Variants in DDX46 observed in about 807,000 individuals in gnomAD.
DDX46 encodes the protein DEAD-box helicase 46.
In DDX46, 30 loss-of-function variants were observed where a neutral mutation model predicts 134.9. The ratio of observed to expected loss-of-function variants is 0.22; its 90% confidence interval spans 0.17 to 0.30. The LOEUF (loss-of-function observed/expected upper bound fraction) is 0.30. Among genes scored for constraint, DDX46 ranks in the 10% least tolerant of loss-of-function variants. The probability of loss-of-function intolerance (pLI) is 1.00; values close to 1 mark genes in which losing one functional copy is unlikely to be tolerated. For missense variants in DDX46, 622 were observed against 1,248.7 expected, an observed-to-expected ratio of 0.50 and a Z score of 7.56; for synonymous variants, 415 against 404.1, an observed-to-expected ratio of 1.03 and a Z score of -0.32.
intron 21 of DDX46, among the ~76,000 whole-genome samples, chr5:134,819,597 T>C (rs1200212600): frequency 6.6e-6 from 1 of 152,150 alleles, no homozygotes; most frequent in Non-Finnish European, 1.5e-5. Context: ...TGGCGCAATA[T>C]CAGCTCACTG....
chr5:134,826,071 G>C (rs778392506), intron 21 of DDX46: 24 of 152,072 alleles, frequency 1.6e-4, no homozygotes, highest in Non-Finnish European at 3.1e-4. Flanking sequence ...ATACAATATT[G>C]TGAGAGCACT....
intron 15 of DDX46, among the ~76,000 whole-genome samples, chr5:134,804,045 A>C (rs1580807985): frequency 1.4e-5 from 2 of 144,548 alleles, no homozygotes; most frequent in African/African-American, 2.6e-5. Context: ...CTGTCCTCCC[A>C]CCTCAGCTTC....
chr5:134,777,389 A>C (rs1294324673), intron 5 of DDX46, among the ~76,000 whole-genome samples, 185 bp from the exon 6 acceptor site: 1 of 152,242 alleles, frequency 6.6e-6, no homozygotes, highest in East Asian at 1.9e-4. Flanking sequence ...CAGAAGTAAT[A>C]CATGCTTCAT....
chr5:134,784,572 A>G (rs770273062), intron 10 of DDX46, 31 bp downstream of exon 10: 1 of 1,547,288 alleles, frequency 6.5e-7, no homozygotes, highest in Admixed American at 2.0e-5. Context: ...CTATTTTTCA[A>G]ATAACAGCTT....
intron 2 of DDX46, among the ~76,000 whole-genome samples, chr5:134,766,167 G>A (rs994982859): frequency 6.6e-6 from 1 of 152,120 alleles, no homozygotes; most frequent in Non-Finnish European, 1.5e-5. Context: ...CTTAGGTTTA[G>A]GCTATCTGAA....
intron 16 of DDX46, among the ~76,000 whole-genome samples, chr5:134,809,331 C>T (rs1343693695): frequency 2.0e-5 from 3 of 152,062 alleles, no homozygotes; most frequent in African/African-American, 7.2e-5. Context: ...AAAAGCAGAC[C>T]ATGGGTCAAA....
intron 13 of DDX46, 92 bp downstream of exon 13, chr5:134,790,644 C>A: frequency 9.2e-7 from 1 of 1,086,970 alleles, no homozygotes. Flanking sequence ...CTGAAATTCA[C>A]ACACACACTT....
chr5:134,792,795 G>T (rs1452909497), intron 13 of DDX46, among the ~76,000 whole-genome samples: 1 of 152,182 alleles, frequency 6.6e-6, no homozygotes, highest in Non-Finnish European at 1.5e-5. Context: ...GTACATGTAT[G>T]TGCGTATGTA....
intron 13 of DDX46, among the ~76,000 whole-genome samples, chr5:134,792,514 G>A (rs1754534447): frequency 6.6e-6 from 1 of 152,180 alleles, no homozygotes; most frequent in African/African-American, 2.4e-5. Context: ...TGAAGTGTCA[G>A]ATGGAACACA....
At chr5:134,767,589 C>T (rs2150130664) in intron 3 of DDX46, among the ~76,000 whole-genome samples, 2 of 152,044 alleles carry the variant, frequency 1.3e-5, no homozygotes, top group South Asian at 4.1e-4. Context: ...GATCTGCCCA[C>T]CTCGGCTTCC....
intron 17 of DDX46, 139 bp from the exon 18 acceptor site, chr5:134,811,557 C>CTCT: frequency 1.8e-6 from 2 of 1,130,220 alleles, no homozygotes; most frequent in South Asian, 3.4e-5. Context: ...CTATGTAGAG[C>CTCT]TCTTAGTTTA....
intron 21 of DDX46, among the ~76,000 whole-genome samples, chr5:134,820,481 G>C (rs1351428931): frequency 6.6e-6 from 1 of 152,150 alleles, no homozygotes; most frequent in African/African-American, 2.4e-5. Context: ...TTGTGCCTCA[G>C]CCTCCTGGGT....
chr5:134,789,833 G>A (rs988082906), intron 12 of DDX46, among the ~76,000 whole-genome samples: 3 of 151,994 alleles, frequency 2.0e-5, no homozygotes, highest in Non-Finnish European at 4.4e-5. Flanking sequence ...AAGTCAGTGG[G>A]TTCACTTAAT....
intron 1 of DDX46, among the ~76,000 whole-genome samples, chr5:134,763,228 T>C (rs986217545): frequency 3.9e-5 from 6 of 152,104 alleles, no homozygotes; most frequent in African/African-American, 1.4e-4. Context: ...GTGAGGCCTG[T>C]TTCTAAAAAT....
intron 18 of DDX46, among the ~76,000 whole-genome samples, chr5:134,812,332 T>C (rs999127253): frequency 6.6e-6 from 1 of 152,140 alleles, no homozygotes; most frequent in Non-Finnish European, 1.5e-5. Flanking sequence ...CCCAAAGTGC[T>C]GGGATTACAG....
chr5:134,796,164 T>G lies in DDX46; in HGVS notation c.1954+14T>G. ...CTCTTCATGGAGGTAATTATTCACTTGATTCACACATAAAATATCTATTAA... is the reference window on the plus strand; with the variant it reads ...CTCTTCATGGAGGTAATTATTCACTGGATTCACACATAAAATATCTATTAA... On this transcript the variant is annotated intron_variant, in intron 15 of 22. Coordinates refer to ENST00000452510, the MANE Select transcript of DDX46 (RefSeq NM_001300860.2). 6.2e-7 allele frequency: 1 copy of G among 1,611,772 alleles called. No homozygotes were observed. Among genetic ancestry groups the G allele is most frequent in the Non-Finnish European group, 8.5e-7 (1 of 1,179,396 alleles).
intron 18 of DDX46, among the ~76,000 whole-genome samples, chr5:134,814,542 G>A (rs546270940): frequency 8.5e-5 from 13 of 152,204 alleles, no homozygotes; most frequent in African/African-American, 3.1e-4. Context: ...AATTTAAAAC[G>A]GTTTTACTCA....
In DDX46 at chr5:134,784,388, C is replaced by T. The variant is rs1754267820; in HGVS notation, c.1189C>T (p.Pro397Ser). The T allele has an allele frequency of 9.3e-6, 15 of 1,610,728 alleles. No homozygotes were observed. The highest frequency in any genetic ancestry group is 1.3e-5 in the Non-Finnish European group (15 of 1,179,004). The change falls in exon 10 of 23, where the codon CCC (proline) becomes TCC (serine). Residue 397 changes from proline to serine, a missense_variant. This residue lies in a region of DDX46 where 209 missense variants were observed against 508.4 expected (regional missense o/e 0.41). Coordinates refer to ENST00000452510, the MANE Select transcript of DDX46 (RefSeq NM_001300860.2). ...AAGGCATGGCTATGAAAAGCCCACG[C>T]CCATCCAAACCCAAGCTATTCCTGC... ...LKKHGYEKPT[P>S]IQTQAIPAIM...
In DDX46 at chr5:134,794,890, C is replaced by T. The variant is rs1202348931; in HGVS notation, c.1667C>T (p.Thr556Met). Residue 556 changes from threonine to methionine, a missense_variant, in exon 14 of 23, where the codon ACG becomes ATG. Physicochemically the swap from Thr to Met is moderately conservative, Grantham distance 81 (BLOSUM62 -1). Coordinates refer to ENST00000452510, the MANE Select transcript of DDX46 (RefSeq NM_001300860.2). ...IVDNVRPDRQTVMFSATFPRA... is the reference protein window; with the variant it reads ...IVDNVRPDRQMVMFSATFPRA... ...GATAATGTTCGTCCTGATCGACAGA[C>T]GGTTATGTTTTCAGCTACTTTCCCC... is the stretch of plus-strand genomic sequence containing the variant. 8.1e-6 allele frequency: 13 copies of T among 1,614,062 alleles called. No homozygotes were observed. The highest frequency in any genetic ancestry group is 2.2e-5 in the East Asian group (1 of 44,900).
Sources: gnomAD v4.1 joint callset for allele counts (sites outside exome capture counted in the v4.1 genomes callset) on GRCh38, gnomAD v4.1.1 for gene constraint, gnomAD v4.1.1 regional missense constraint, MANE v1.5 for transcripts, NCBI Gene and HGNC (gene_info 2026-07-23, HGNC 2026-07-21) for gene names.